The following UNC5C variants were observed in gnomAD, a reference collection of about 807,000 sequenced individuals.
UNC5C encodes netrin receptor UNC5C.
UNC5C carries 47 observed loss-of-function variants against 99.8 expected under a neutral mutation model. The observed-to-expected ratio is 0.47, with a 90% CI of 0.37 to 0.60. UNC5C has a LOEUF of 0.60. UNC5C is among the 20% of genes least tolerant of loss of function. The pLI is 0.00. For missense variants in UNC5C, 1,062 were observed against 1,165.9 expected, an observed-to-expected ratio of 0.91 and a Z score of 1.30; for synonymous variants, 487 against 452.2, an observed-to-expected ratio of 1.08 and a Z score of -0.98.
At chr4:95,506,296 G>T (rs1219317321) in intron 1 of UNC5C, among the ~76,000 whole-genome samples, 4 of 152,052 alleles carry the variant, frequency 2.6e-5, no homozygotes, top group African/African-American at 9.7e-5. Context: ...TGCTATGACA[G>T]TATTTGTATT....
At chr4:95,392,216 A>C (rs1401523482) in intron 1 of UNC5C, among the ~76,000 whole-genome samples, 1 of 152,084 alleles carries the variant, frequency 6.6e-6, no homozygotes, top group Non-Finnish European at 1.5e-5. Flanking sequence ...AACTCCCTTC[A>C]CTCCCTAGAA....
At chr4:95,256,428 CT>C (rs1229459606) in intron 4 of UNC5C, among the ~76,000 whole-genome samples, 1 of 152,010 alleles carries the variant, frequency 6.6e-6, no homozygotes, top group Non-Finnish European at 1.5e-5. Flanking sequence ...GTGTTGACCA[CT>C]TTTTTCCTCT....
chr4:95,261,174 A>G (rs750197001), intron 4 of UNC5C, among the ~76,000 whole-genome samples: 11 of 152,142 alleles, frequency 7.2e-5, no homozygotes, highest in Non-Finnish European at 1.3e-4. Flanking sequence ...ACACCAAGAC[A>G]CATACATTTT....
intron 1 of UNC5C, among the ~76,000 whole-genome samples, chr4:95,515,838 T>C (rs947802344): frequency 6.6e-6 from 1 of 152,222 alleles, no homozygotes; most frequent in African/African-American, 2.4e-5. Flanking sequence ...GGCTGTATGC[T>C]GGCTTCATCC....
intron 1 of UNC5C, among the ~76,000 whole-genome samples, chr4:95,494,527 T>G (rs1721580496): frequency 6.6e-6 from 1 of 151,402 alleles, no homozygotes; most frequent in African/African-American, 2.4e-5. Flanking sequence ...AGAAAGAAAG[T>G]GCACAAATGC....
chr4:95,467,439 A>G lies in UNC5C; in HGVS notation c.124+81295T>C, dbSNP rs115740433. On this transcript the variant is annotated intron_variant, in intron 1 of 15. Coordinates refer to ENST00000453304, the MANE Select transcript of UNC5C (RefSeq NM_003728.4). ...AGAGAGAGAGAATGGGGCTGGGAGA[A>G]GCAGGCACAACCCTTGCAGCATGCA... 4.8e-3 allele frequency among the ~76,000 whole-genome samples: 727 copies of G among 152,304 alleles called. 4 individuals carry two copies. The highest frequency in any genetic ancestry group is 0.017 in the African/African-American group (697 of 41,574).
At chr4:95,383,319 C>T (rs1489948508) in intron 1 of UNC5C, among the ~76,000 whole-genome samples, 1 of 151,988 alleles carries the variant, frequency 6.6e-6, no homozygotes, top group African/African-American at 2.4e-5. Flanking sequence ...CTTTTCCAAA[C>T]TAATGAGCAG....
chr4:95,180,016 G>A (rs972945493), intron 14 of UNC5C, among the ~76,000 whole-genome samples: 1 of 149,926 alleles, frequency 6.7e-6, no homozygotes, highest in Non-Finnish European at 1.5e-5. Context: ...CCCCCCCCAC[G>A]GATTGAAGTA....
chr4:95,179,358 A>T (rs1579203126), intron 14 of UNC5C, among the ~76,000 whole-genome samples: 1 of 152,384 alleles, frequency 6.6e-6, no homozygotes, highest in East Asian at 1.9e-4. Context: ...GTGTATACAG[A>T]AGTGCTGTGC....
At chr4:95,519,817 G>A (rs2149489831) in intron 1 of UNC5C, among the ~76,000 whole-genome samples, 1 of 152,228 alleles carries the variant, frequency 6.6e-6, no homozygotes, top group East Asian at 1.9e-4. Flanking sequence ...TGCAAACATA[G>A]CTGAAGGTAT....
In UNC5C at chr4:95,292,216, TAC is replaced by T. The variant is rs1301879539; in HGVS notation, c.490+9388_490+9389del. ...ATATACACATATATATACATATATATACACACACACACACACACACATATATA... is the reference window on the plus strand; with the variant it reads ...ATATACACATATATATACATATATATACACACACACACACACACATATATA... On this transcript the variant is annotated intron_variant, in intron 3 of 15. Transcript: ENST00000453304. 7.5e-3 allele frequency among the ~76,000 whole-genome samples: 943 copies of T among 125,070 alleles called. 11 individuals are homozygous for T. Among genetic ancestry groups the T allele is most frequent in the African/African-American group, 0.024 (875 of 35,958 alleles). The allele number at this position is 125,070 out of a possible 152,430, so 82.1% of individuals were successfully genotyped here. A position where few individuals can be genotyped will look rare whatever the true frequency, so the allele number is the denominator to read the frequency against.
chr4:95,303,046 G>A (rs1393646932), intron 2 of UNC5C, among the ~76,000 whole-genome samples: 4 of 152,124 alleles, frequency 2.6e-5, no homozygotes, highest in East Asian at 1.9e-4. Context: ...AGGACATATG[G>A]GAAAGAGCAG....
chr4:95,502,301 G>T (rs895750489), intron 1 of UNC5C, among the ~76,000 whole-genome samples: 1 of 152,060 alleles, frequency 6.6e-6, no homozygotes, highest in Non-Finnish European at 1.5e-5. Context: ...GCAGGGTCTT[G>T]CTCTGTTGCC....
At chr4:95,238,676 G>T (rs950079454) in intron 7 of UNC5C, among the ~76,000 whole-genome samples, 2 of 151,956 alleles carry the variant, frequency 1.3e-5, no homozygotes, top group African/African-American at 4.8e-5. Context: ...AGTAAATGTT[G>T]GATTTTCTCA....
At chr4:95,197,789 A>C (rs771486496) in intron 12 of UNC5C, among the ~76,000 whole-genome samples, 3 of 152,106 alleles carry the variant, frequency 2.0e-5, no homozygotes, top group African/African-American at 7.2e-5. Context: ...TTTCATAGCA[A>C]CTCATCAACC....
intron 1 of UNC5C, among the ~76,000 whole-genome samples, chr4:95,517,086 C>T (rs1722237550): frequency 6.6e-6 from 1 of 152,112 alleles, no homozygotes; most frequent in African/African-American, 2.4e-5. Context: ...CAAAAACTAA[C>T]TGTGAAGGCC....
intron 1 of UNC5C, among the ~76,000 whole-genome samples, chr4:95,411,362 A>C (rs1350827910): frequency 2.0e-5 from 3 of 152,204 alleles, no homozygotes; most frequent in Non-Finnish European, 4.4e-5. Context: ...TACATAGTGC[A>C]GAATTTTAAA....
At chr4:95,541,595 C>G (rs1471121598) in intron 1 of UNC5C, among the ~76,000 whole-genome samples, 2 of 152,174 alleles carry the variant, frequency 1.3e-5, no homozygotes, top group African/African-American at 4.8e-5. Context: ...TCACTTTTAT[C>G]TACAAATGCT....
At chr4:95,396,250 C>T (rs955560058) in intron 1 of UNC5C, among the ~76,000 whole-genome samples, 1 of 152,118 alleles carries the variant, frequency 6.6e-6, no homozygotes, top group Admixed American at 6.5e-5. Flanking sequence ...CATTAATTAG[C>T]TCTATCATCT....
Sources: gnomAD v4.1 joint callset for allele counts (sites outside exome capture counted in the v4.1 genomes callset) on GRCh38, gnomAD v4.1.1 for gene constraint, MANE v1.5 for transcripts, NCBI Gene and HGNC (gene_info 2026-07-23, HGNC 2026-07-21) for gene names.